The following NEBL variants were observed in gnomAD, a reference collection of about 807,000 sequenced individuals.
NEBL encodes LIM and SH3 protein 2.
NEBL carries 122 observed loss-of-function variants against 140.2 expected under a neutral mutation model. That is an observed-to-expected ratio of 0.87 (90% CI 0.75 to 1.01). The LOEUF is 1.01. Ranked by LOEUF, NEBL falls within the 50% of genes least tolerant of loss-of-function variation. NEBL has a pLI of 0.00. For missense variants in NEBL, 1,365 were observed against 1,231.3 expected, an observed-to-expected ratio of 1.11 and a Z score of -1.62; for synonymous variants, 436 against 398.9, an observed-to-expected ratio of 1.09 and a Z score of -1.11.
chr10:21,005,930 T>C (rs1272729204), intron 3 of NEBL, among the ~76,000 whole-genome samples: 4 of 151,844 alleles, frequency 2.6e-5, no homozygotes, highest in Non-Finnish European at 4.4e-5. Flanking sequence ...ACCTGGAATA[T>C]ATTAATCCAT....
intron 26 of NEBL, among the ~76,000 whole-genome samples, chr10:20,807,878 A>G (rs1291819975): frequency 6.6e-6 from 1 of 152,116 alleles, no homozygotes; most frequent in South Asian, 2.1e-4. Flanking sequence ...TTGAAGTTCT[A>G]GGCTTAATCC....
At chr10:21,123,075 A>G (rs958039295) in intron 2 of NEBL, among the ~76,000 whole-genome samples, 1 of 152,148 alleles carries the variant, frequency 6.6e-6, no homozygotes, top group Non-Finnish European at 1.5e-5. Flanking sequence ...CATGCTTAAC[A>G]CTTTCCCTGG....
At chr10:20,955,309 T>C (rs191003236) in intron 4 of NEBL, among the ~76,000 whole-genome samples, 145 of 152,246 alleles carry the variant, frequency 9.5e-4, no homozygotes, top group Non-Finnish European at 1.8e-3. Flanking sequence ...GTGGAGAATA[T>C]GATGTGTGAA....
chr10:21,121,110 T>C (rs1352002742), intron 2 of NEBL, among the ~76,000 whole-genome samples: 1 of 152,162 alleles, frequency 6.6e-6, no homozygotes, highest in Non-Finnish European at 1.5e-5. Context: ...TGTTTGGCCC[T>C]GAAACTTTTT....
At chr10:21,144,857 T>C (rs778027741) in intron 2 of NEBL, among the ~76,000 whole-genome samples, 5 of 151,374 alleles carry the variant, frequency 3.3e-5, no homozygotes, top group Non-Finnish European at 5.9e-5. Flanking sequence ...CTCTGTAAAA[T>C]AGTGGTTAGC....
chr10:21,012,347 T>C (rs1838374179), intron 3 of NEBL, among the ~76,000 whole-genome samples: 1 of 151,894 alleles, frequency 6.6e-6, no homozygotes, highest in African/African-American at 2.4e-5. Context: ...TGATTGTGTA[T>C]ATATATATTT....
intron 4 of NEBL, among the ~76,000 whole-genome samples, chr10:20,929,516 C>T (rs1011187826): frequency 6.6e-6 from 1 of 152,176 alleles, no homozygotes; most frequent in Admixed American, 6.5e-5. Context: ...ATCACAGATG[C>T]AGACAGATGC....
chr10:20,868,666 G>C lies in NEBL; in HGVS notation c.682C>G (p.Gln228Glu), dbSNP rs143644290. 104 of 1,595,934 alleles carry C rather than the reference G, an allele frequency of 6.5e-5. 1 individual carries two copies. In the African/African-American group the frequency reaches 1.2e-3, roughly 19 times the overall value. Residue 228 changes from glutamine (Q) to glutamate (E), a missense_variant and splice_region_variant, in exon 7 of 28, where the codon CAA (glutamine) becomes GAA (glutamate). Physicochemically the swap from Gln to Glu is conservative, Grantham distance 29. This residue lies in a region of NEBL where 1,323 missense variants were observed against 1,154.8 expected (regional missense o/e 1.15). Transcript: ENST00000377122. ...HAVEASKLSS[Q>E]IKYKEKFDNE... is the part of the protein sequence containing the mutation. ...TGGAATCATCACTAAAGCCTTACTT[G>C]ACTAGAAAGTTTAGAAGCTTCCACG...
At chr10:20,861,231 G>C (rs1327921941) in intron 7 of NEBL, among the ~76,000 whole-genome samples, 1 of 152,162 alleles carries the variant, frequency 6.6e-6, no homozygotes. Context: ...AGGCTGGAGT[G>C]CAGTGGCACG....
chr10:20,959,679 A>G (rs911861477), intron 4 of NEBL, among the ~76,000 whole-genome samples: 2 of 152,058 alleles, frequency 1.3e-5, no homozygotes, highest in Admixed American at 6.6e-5. Context: ...TATGAAGTCT[A>G]TATTTTTTAC....
At chr10:20,999,139 A>C (rs954963747) in intron 3 of NEBL, among the ~76,000 whole-genome samples, 3 of 151,592 alleles carry the variant, frequency 2.0e-5, no homozygotes, top group Admixed American at 2.0e-4. Context: ...AAAACTGTAC[A>C]GAAACCCAGA....
At chr10:21,214,766 A>G (rs950076909) in intron 3 of NEBL, among the ~76,000 whole-genome samples, 1 of 152,248 alleles carries the variant, frequency 6.6e-6, no homozygotes, top group Admixed American at 6.5e-5. Flanking sequence ...AAGGGAAAAA[A>G]TGGAAATCAC....
At chr10:21,126,910 A>G (rs1838862581) in intron 2 of NEBL, among the ~76,000 whole-genome samples, 1 of 144,700 alleles carries the variant, frequency 6.9e-6, no homozygotes, top group African/African-American at 2.5e-5. Context: ...AGGGCGGGGA[A>G]GTTCTAGTGA....
At chr10:21,182,719 T>A (rs1017237920) in intron 3 of NEBL, among the ~76,000 whole-genome samples, 23 of 152,220 alleles carry the variant, frequency 1.5e-4, no homozygotes, top group Non-Finnish European at 2.8e-4. Context: ...GAGCCACATG[T>A]GTAATTTTAA....
chr10:20,875,690 C>T (rs1845431439), intron 5 of NEBL, among the ~76,000 whole-genome samples: 1 of 151,992 alleles, frequency 6.6e-6, no homozygotes, highest in African/African-American at 2.4e-5. Context: ...ATTGAGACAG[C>T]TCAGGAATGG....
intron 26 of NEBL, among the ~76,000 whole-genome samples, chr10:20,789,313 T>G (rs1835713560): frequency 1.3e-5 from 2 of 152,248 alleles, no homozygotes; most frequent in Admixed American, 1.3e-4. Context: ...TTCTAATTCA[T>G]TGTTACACCA....
At chr10:20,990,023 T>C (rs1429222251) in intron 3 of NEBL, among the ~76,000 whole-genome samples, 1 of 152,228 alleles carries the variant, frequency 6.6e-6, no homozygotes, top group Admixed American at 6.5e-5. Context: ...TACAGATATC[T>C]TGAAGTATTA....
At chr10:20,818,968 A>T in intron 20 of NEBL, 1 of 960,780 alleles carries the variant, frequency 1.0e-6, no homozygotes, top group Non-Finnish European at 1.2e-6. Flanking sequence ...TGCAGTTGTT[A>T]AATTTTACAA....
At chr10:21,069,556 G>A (rs1334268305) in intron 2 of NEBL, among the ~76,000 whole-genome samples, 2 of 152,074 alleles carry the variant, frequency 1.3e-5, no homozygotes, top group African/African-American at 2.4e-5. Flanking sequence ...AATGAGTCTC[G>A]GGCCCATTAA....
Sources: allele counts gnomAD v4.1 joint callset (sites outside exome capture counted in the v4.1 genomes callset), GRCh38; gene constraint gnomAD v4.1.1; regional missense constraint gnomAD v4.1.1; transcripts MANE v1.5; gene names NCBI Gene and HGNC (gene_info 2026-07-23, HGNC 2026-07-21).